Variants in RBFOX1 observed in about 807,000 individuals in gnomAD.
RBFOX1 encodes the protein RNA binding fox-1 homolog 1.
A neutral mutation model predicts 57.7 loss-of-function variants in RBFOX1; 8 were observed. That is an observed-to-expected ratio of 0.14 (90% confidence interval 0.08 to 0.25). RBFOX1 has a LOEUF of 0.25. RBFOX1 is among the 10% of genes least tolerant of loss of function. RBFOX1 has a pLI of 1.00. For synonymous variants in RBFOX1, 326 were observed against 222.4 expected, an observed-to-expected ratio of 1.47 and a Z score of -4.15; for missense variants, 611 against 548.5, an observed-to-expected ratio of 1.11 and a Z score of -1.14.
chr16:5,937,394 T>C (rs551306426), intron 4 of RBFOX1, among the ~76,000 whole-genome samples: 3 of 152,178 alleles, frequency 2.0e-5, no homozygotes, highest in African/African-American at 7.2e-5. Flanking sequence ...CATTCTAGAG[T>C]AGAGGCGTGA....
intron 2 of RBFOX1, among the ~76,000 whole-genome samples, chr16:6,553,808 T>C (rs1440660474): frequency 3.9e-5 from 6 of 152,174 alleles, no homozygotes; most frequent in South Asian, 2.1e-4. Flanking sequence ...AGGAATTTCA[T>C]GGAGACAGCA....
chr16:6,444,191 C>T (rs1014068678), intron 2 of RBFOX1, among the ~76,000 whole-genome samples: 2 of 152,180 alleles, frequency 1.3e-5, no homozygotes, highest in African/African-American at 4.8e-5. Context: ...TGTCAGTGTG[C>T]ACTGGGCAGG....
intron 1 of RBFOX1, among the ~76,000 whole-genome samples, chr16:6,089,812 G>C (rs768696954): frequency 1.3e-5 from 2 of 152,160 alleles, no homozygotes; most frequent in Non-Finnish European, 2.9e-5. Context: ...TAGTTCCTAA[G>C]ACACCATCGC....
At chr16:5,366,311 AGATGATGAT>A in intron 1 of RBFOX1, 1 of 360,094 alleles carries the variant, frequency 2.8e-6, no homozygotes, top group African/African-American at 2.1e-5. Flanking sequence ...ATGATGATGA[AGATGATGAT>A]GATGATGATT....
intron 11 of RBFOX1, among the ~76,000 whole-genome samples, chr16:7,632,428 T>A (rs2061126561): frequency 6.6e-6 from 1 of 152,220 alleles, no homozygotes; most frequent in African/African-American, 2.4e-5. Context: ...TCCAGCCTTG[T>A]GTATTCCTCT....
chr16:5,593,600 C>G (rs188900345), intron 2 of RBFOX1, among the ~76,000 whole-genome samples: 1 of 152,184 alleles, frequency 6.6e-6, no homozygotes, highest in Non-Finnish European at 1.5e-5. Context: ...CTCACTGCTA[C>G]ACTCCCACCA....
chr16:7,034,710 C>G (rs531053020), intron 3 of RBFOX1, among the ~76,000 whole-genome samples: 4 of 151,912 alleles, frequency 2.6e-5, no homozygotes, highest in South Asian at 4.2e-4. Context: ...AGTGAGGACA[C>G]CTCACATCAG....
chr16:6,335,241 G>C (rs1279746628), intron 2 of RBFOX1, among the ~76,000 whole-genome samples: 2 of 152,206 alleles, frequency 1.3e-5, no homozygotes, highest in African/African-American at 4.8e-5. Context: ...AGAAATGGGA[G>C]GCAAAAGTGA....
intron 2 of RBFOX1, among the ~76,000 whole-genome samples, chr16:6,507,732 A>G (rs770921406): frequency 2.0e-5 from 3 of 152,102 alleles, no homozygotes; most frequent in Admixed American, 1.3e-4. Context: ...AAAGACACAT[A>G]CAGTATGATT....
At chr16:5,335,130 A>G (rs539206178) in intron 1 of RBFOX1, among the ~76,000 whole-genome samples, 8 of 152,266 alleles carry the variant, frequency 5.3e-5, no homozygotes, top group African/African-American at 1.9e-4. Flanking sequence ...ACTGAATATT[A>G]TAAATTTCTT....
chr16:5,784,546 A>G (rs1487239076), intron 3 of RBFOX1, among the ~76,000 whole-genome samples: 2 of 152,162 alleles, frequency 1.3e-5, no homozygotes, highest in Non-Finnish European at 2.9e-5. Context: ...CACTCACTGG[A>G]CAGAACCAAG....
At chr16:6,441,030 G>A (rs1003559180) in intron 2 of RBFOX1, among the ~76,000 whole-genome samples, 1 of 152,084 alleles carries the variant, frequency 6.6e-6, no homozygotes, top group Non-Finnish European at 1.5e-5. Context: ...TGATGAGAAA[G>A]ACAAGGGAGA....
intron 1 of RBFOX1, among the ~76,000 whole-genome samples, chr16:6,235,884 A>G (rs760621376): frequency 1.5e-4 from 23 of 152,116 alleles, no homozygotes; most frequent in Non-Finnish European, 2.6e-4. Flanking sequence ...GTGAGGGATA[A>G]AATACTACAA....
intron 3 of RBFOX1, among the ~76,000 whole-genome samples, chr16:6,833,397 C>T (rs1012361714): frequency 6.6e-6 from 1 of 152,092 alleles, no homozygotes; most frequent in Admixed American, 6.6e-5. Flanking sequence ...AAACTCCTGA[C>T]CTCAGGTGAT....
At chr16:5,914,134 G>A (rs2058659414) in intron 4 of RBFOX1, among the ~76,000 whole-genome samples, 1 of 152,176 alleles carries the variant, frequency 6.6e-6, no homozygotes, top group South Asian at 2.1e-4. Flanking sequence ...GCAGCCAGGA[G>A]GAAAGGACGT....
chr16:7,111,187 C>G (rs2064689023), intron 4 of RBFOX1, among the ~76,000 whole-genome samples: 1 of 152,132 alleles, frequency 6.6e-6, no homozygotes, highest in Non-Finnish European at 1.5e-5. Context: ...CTGCAATGCT[C>G]AGTATTAAGG....
At chr16:7,461,636 G>A (rs1008687253) in intron 4 of RBFOX1, among the ~76,000 whole-genome samples, 5 of 152,078 alleles carry the variant, frequency 3.3e-5, no homozygotes, top group East Asian at 1.9e-4. Flanking sequence ...TCCAAAAGCC[G>A]TACGTTTTCT....
intron 3 of RBFOX1, among the ~76,000 whole-genome samples, chr16:6,981,761 C>A (rs527382880): frequency 1.3e-5 from 2 of 152,220 alleles, no homozygotes; most frequent in South Asian, 4.1e-4. Flanking sequence ...CAATTATTTC[C>A]CGCCTGGTTC....
chr16:6,836,759 C>T (rs1440151025), intron 3 of RBFOX1, among the ~76,000 whole-genome samples: 2 of 152,186 alleles, frequency 1.3e-5, no homozygotes, highest in East Asian at 1.9e-4. Flanking sequence ...AGTATAACAC[C>T]AGTTCATTAC....
Sources: gnomAD v4.1 joint callset for allele counts (sites outside exome capture counted in the v4.1 genomes callset) on GRCh38, gnomAD v4.1.1 for gene constraint, MANE v1.5 for transcripts, NCBI Gene and HGNC (gene_info 2026-07-23, HGNC 2026-07-21) for gene names.